LSMEM1: variants seen among roughly 807,000 people sequenced by gnomAD.
The protein encoded by LSMEM1 is leucine rich single-pass membrane protein 1.
Under a neutral mutation model 11.3 loss-of-function variants are expected in LSMEM1, and 10 were observed. That is an observed-to-expected ratio of 0.89 (90% confidence interval 0.55 to 1.50). The LOEUF is 1.50. LSMEM1 is among the 40% of genes most tolerant of loss of function. The probability of loss-of-function intolerance (pLI) is 0.00; values close to 1 mark genes in which losing one functional copy is unlikely to be tolerated. For missense variants in LSMEM1, 151 were observed against 152.9 expected (o/e 0.99, Z 0.06); for synonymous variants, 65 against 59.3 (o/e 1.10, Z -0.44).
intron 1 of LSMEM1, among the ~76,000 whole-genome samples, chr7:112,484,163 T>C (rs528253565): frequency 2.6e-5 from 4 of 152,214 alleles, no homozygotes; most frequent in African/African-American, 9.6e-5. Context: ...TTCCTCTCTA[T>C]AGCAGCTAAG....
chr7:112,486,785 G>C, intron 2 of LSMEM1, 138 bp from the exon 3 acceptor site: 1 of 1,210,222 alleles, frequency 8.3e-7, no homozygotes, highest in African/African-American at 1.5e-5. Context: ...CAAAAAAAAA[G>C]AGTCACTTTC....
chr7:112,487,551 T>C (rs1796157191), intron 3 of LSMEM1, among the ~76,000 whole-genome samples: 1 of 152,246 alleles, frequency 6.6e-6, no homozygotes, highest in Non-Finnish European at 1.5e-5. Context: ...AGGTGGCTTC[T>C]TTCCAATTTG....
chr7:112,481,174 C>T lies in LSMEM1; in HGVS notation c.-178C>T, dbSNP rs1228966612. 1 of 218,676 alleles carries T rather than the reference C, an allele frequency of 4.6e-6. No individual in the cohort carries two copies. Among genetic ancestry groups the T allele is most frequent in the Non-Finnish European group, 9.3e-6 (1 of 108,096 alleles). 13.5% of individuals were successfully genotyped at this position (218,676 alleles called of 1,614,324 possible). ...ACACAATATAGACCAACAGTTTCAT[C>T]CTGGGGCTTATGGGTCTCATAGGAG... On this transcript the variant is annotated 5_prime_UTR_variant, in exon 1 of 4. Transcript: ENST00000312849.
At chr7:112,487,131 G>T in intron 3 of LSMEM1, 80 bp downstream of exon 3, 2 of 1,492,288 alleles carry the variant, frequency 1.3e-6, no homozygotes, top group East Asian at 2.3e-5. Context: ...CACAAAGTTT[G>T]CACCCTCCAG....
intron 2 of LSMEM1, chr7:112,486,712 G>A: frequency 4.1e-6 from 2 of 482,118 alleles, no homozygotes; most frequent in Non-Finnish European, 7.1e-6. Context: ...GGAGGCAGAG[G>A]TTGCAGTGAG....
chr7:112,489,469 C>T (rs1181380828), intron 3 of LSMEM1, among the ~76,000 whole-genome samples: 1 of 152,146 alleles, frequency 6.6e-6, no homozygotes, highest in African/African-American at 2.4e-5. Context: ...GAGAATGGGT[C>T]TCAAAATAAA....
At position 112,489,796 on chromosome 7, in the gene LSMEM1, T is replaced by C. The variant is rs1402758466; in HGVS notation, c.257-14T>C. ...TGGAAACCAATGTAACACAGTCTGTTTTCTGTTTTGAAGTTCAAACTGGAA... is the reference window on the plus strand; with the variant it reads ...TGGAAACCAATGTAACACAGTCTGTCTTCTGTTTTGAAGTTCAAACTGGAA... On this transcript the variant is annotated splice_polypyrimidine_tract_variant and intron_variant, in intron 3 of 3. Coordinates refer to ENST00000312849, the MANE Select transcript of LSMEM1 (RefSeq NM_182597.3). The C allele has an allele frequency of 1.2e-6, 2 of 1,608,212 alleles. No homozygotes were observed. The highest frequency in any genetic ancestry group is 1.7e-6 in the Non-Finnish European group (2 of 1,177,724).
Position 112,490,706 on chromosome 7 carries a change from A to G in LSMEM1, c.*757A>G, listed in dbSNP as rs1796220084. 1 of 152,194 alleles carries G rather than the reference A, an allele frequency of 6.6e-6. No homozygotes were observed. Among genetic ancestry groups the G allele is most frequent in the Non-Finnish European group, 1.5e-5 (1 of 68,038 alleles). 9.4% of individuals were successfully genotyped at this position (152,194 alleles called of 1,614,324 possible). A position where few individuals can be genotyped will look rare whatever the true frequency, so the allele number is the denominator to read the frequency against. Reference sequence around the variant, plus strand: ...TTTGTGTATTTTGTTTCTCATGAAAAAACCCCTTTGGCACCCTGCTGATTG... The same window carrying G: ...TTTGTGTATTTTGTTTCTCATGAAAGAACCCCTTTGGCACCCTGCTGATTG... On this transcript the variant is annotated 3_prime_UTR_variant, in exon 4 of 4. Transcript: ENST00000312849.
chr7:112,490,765 C>T lies in LSMEM1; in HGVS notation c.*816C>T, dbSNP rs952324043. The T allele has an allele frequency of 3.3e-5, 5 of 152,152 alleles. No homozygotes were observed. The highest frequency in any genetic ancestry group is 1.2e-4 in the African/African-American group (5 of 41,450). 9.4% of individuals were successfully genotyped at this position (152,152 alleles called of 1,614,324 possible). ...GAAATCTGATAGATTTGTGGCCTTT[C>T]CTAAATTGCACTAGGAAATTATGTA... On this transcript the variant is annotated 3_prime_UTR_variant, in exon 4 of 4. Coordinates refer to ENST00000312849, the MANE Select transcript of LSMEM1 (RefSeq NM_182597.3).
chr7:112,487,493 A>T (rs765315950), intron 3 of LSMEM1, among the ~76,000 whole-genome samples: 1 of 152,272 alleles, frequency 6.6e-6, no homozygotes, highest in Non-Finnish European at 1.5e-5. Flanking sequence ...AATGAGAAGC[A>T]CTTGAGGGCT....
At chr7:112,482,163 G>A (rs761761295) in intron 1 of LSMEM1, among the ~76,000 whole-genome samples, 9 of 141,082 alleles carry the variant, frequency 6.4e-5, no homozygotes, top group Non-Finnish European at 9.4e-5. Flanking sequence ...TTCCATTTGC[G>A]TGTTGCAGCT....
At chr7:112,489,017 C>T (rs1407305554) in intron 3 of LSMEM1, among the ~76,000 whole-genome samples, 1 of 152,234 alleles carries the variant, frequency 6.6e-6, no homozygotes, top group African/African-American at 2.4e-5. Context: ...CTCCACTTGA[C>T]ATCAAAGACT....
rs1233504405 is a variant in LSMEM1 at position 112,481,176 on chromosome 7, T to C, written c.-176T>C. 3 of 214,178 alleles carry C rather than the reference T, an allele frequency of 1.4e-5. No individual in the cohort carries two copies. Among genetic ancestry groups the C allele is most frequent in the African/African-American group, 2.4e-5 (1 of 42,432 alleles). 13.3% of individuals were successfully genotyped at this position (214,178 alleles called of 1,614,324 possible). Reference sequence around the variant, plus strand: ...ACAATATAGACCAACAGTTTCATCCTGGGGCTTATGGGTCTCATAGGAGCA... The same window carrying C: ...ACAATATAGACCAACAGTTTCATCCCGGGGCTTATGGGTCTCATAGGAGCA... On this transcript the variant is annotated 5_prime_UTR_variant, in exon 1 of 4. Coordinates refer to ENST00000312849, the MANE Select transcript of LSMEM1 (RefSeq NM_182597.3).
chr7:112,483,443 T>C (rs893506488), intron 1 of LSMEM1: 2 of 152,188 alleles, frequency 1.3e-5, no homozygotes, highest in Non-Finnish European at 2.9e-5. Flanking sequence ...GTCACCAACT[T>C]CTAAACCTGG....
At chr7:112,483,226 C>G (rs1796064660) in intron 1 of LSMEM1, among the ~76,000 whole-genome samples, 2 of 151,128 alleles carry the variant, frequency 1.3e-5, no homozygotes, top group Admixed American at 1.3e-4. Context: ...TTTGCAACAA[C>G]AGAAAGTAAA....
chr7:112,482,377 G>T (rs1268987054), intron 1 of LSMEM1, among the ~76,000 whole-genome samples: 1 of 152,102 alleles, frequency 6.6e-6, no homozygotes, highest in African/African-American at 2.4e-5. Context: ...TGATTTTCTA[G>T]CTAGGTCTCT....
intron 3 of LSMEM1, among the ~76,000 whole-genome samples, chr7:112,488,877 G>A (rs1481034392): frequency 1.3e-5 from 2 of 152,188 alleles, no homozygotes; most frequent in Admixed American, 1.3e-4. Flanking sequence ...GATTATAGGC[G>A]TGAGCCACCG....
intron 2 of LSMEM1, 88 bp downstream of exon 2, chr7:112,485,031 T>TGGGGGGGGGGGGGG: frequency 2.5e-6 from 3 of 1,199,574 alleles, no homozygotes; most frequent in Non-Finnish European, 3.4e-6. Context: ...GTGGGTGTGG[T>TGGGGGGGGGGGGGG]GGAGGGGGAG....
At chr7:112,488,432 C>G (rs1185221954) in intron 3 of LSMEM1, among the ~76,000 whole-genome samples, 1 of 151,992 alleles carries the variant, frequency 6.6e-6, no homozygotes, top group Non-Finnish European at 1.5e-5. Flanking sequence ...GTAAACAACC[C>G]TCTGCCAAAT....
Sources: allele counts gnomAD v4.1 joint callset (sites outside exome capture counted in the v4.1 genomes callset), GRCh38; gene constraint gnomAD v4.1.1; transcripts MANE v1.5; gene names NCBI Gene and HGNC (gene_info 2026-07-23, HGNC 2026-07-21).